The following CCDC192 variants were observed in gnomAD, a reference collection of about 807,000 sequenced individuals.
CCDC192 encodes coiled-coil domain containing 192.
At chr5:127,814,389 A>T (rs537395173) in intron 5 of CCDC192, among the ~76,000 whole-genome samples, 2 of 152,298 alleles carry the variant, frequency 1.3e-5, no homozygotes, top group African/African-American at 4.8e-5. Flanking sequence ...CGCATAAAAC[A>T]CACTTCCCCA....
intron 3 of CCDC192, among the ~76,000 whole-genome samples, chr5:127,794,594 C>T (rs1672162281): frequency 6.6e-6 from 1 of 152,132 alleles, no homozygotes; most frequent in Non-Finnish European, 1.5e-5. Context: ...ATCTGACTTT[C>T]TGGCTAAAGT....
At chr5:127,820,591 A>C (rs1441902910) in intron 5 of CCDC192, among the ~76,000 whole-genome samples, 1 of 152,198 alleles carries the variant, frequency 6.6e-6, no homozygotes, top group African/African-American at 2.4e-5. Flanking sequence ...CAAAAAATAT[A>C]TGTATCTAAA....
chr5:127,817,825 CA>C (rs1749094902), intron 5 of CCDC192, among the ~76,000 whole-genome samples: 1 of 152,052 alleles, frequency 6.6e-6, no homozygotes, highest in African/African-American at 2.4e-5. Context: ...AATCTAAATG[CA>C]TATCTAGGAT....
intron 3 of CCDC192, among the ~76,000 whole-genome samples, chr5:127,754,753 G>A (rs1318381466): frequency 6.6e-6 from 1 of 152,160 alleles, no homozygotes; most frequent in East Asian, 1.9e-4. Context: ...ATAAAATAAA[G>A]CCTATTGGAG....
At chr5:127,703,073 T>C (rs1437632297), upstream of CCDC192, among the ~76,000 whole-genome samples, 4 of 152,226 alleles carry the variant, frequency 2.6e-5, no homozygotes, top group Non-Finnish European at 5.9e-5. Context: ...AATGCATTTC[T>C]GGGTGTGCAC....
chr5:127,738,647 T>G (rs1753183427), intron 2 of CCDC192, among the ~76,000 whole-genome samples: 1 of 151,570 alleles, frequency 6.6e-6, no homozygotes, highest in African/African-American at 2.4e-5. Flanking sequence ...TTCTTTTTTC[T>G]CTAAACTTCC....
At chr5:127,799,862 C>T (rs1757383829) in intron 5 of CCDC192, among the ~76,000 whole-genome samples, 2 of 152,090 alleles carry the variant, frequency 1.3e-5, no homozygotes, top group South Asian at 4.1e-4. Flanking sequence ...ACAGTGTATT[C>T]ATGAAAGTTT....
At chr5:127,841,792 A>G (rs1750301965) in intron 5 of CCDC192, among the ~76,000 whole-genome samples, 1 of 151,166 alleles carries the variant, frequency 6.6e-6, no homozygotes, top group South Asian at 2.1e-4. Context: ...CCAACGAGTG[A>G]TCAGTAAGCA....
At chr5:127,804,510 C>G (rs928327740) in intron 5 of CCDC192, among the ~76,000 whole-genome samples, 3 of 152,150 alleles carry the variant, frequency 2.0e-5, no homozygotes, top group African/African-American at 7.2e-5. Flanking sequence ...GCTGCTTGAA[C>G]CAGAACTGTC....
chr5:127,733,714 G>T (rs1463646241), intron 2 of CCDC192, among the ~76,000 whole-genome samples: 1 of 151,972 alleles, frequency 6.6e-6, no homozygotes, highest in African/African-American at 2.4e-5. Context: ...CACTTTCCCT[G>T]AATCTGAGAT....
intron 5 of CCDC192, among the ~76,000 whole-genome samples, chr5:127,819,572 G>C (rs1749189963): frequency 6.6e-6 from 1 of 152,056 alleles, no homozygotes; most frequent in South Asian, 2.1e-4. Flanking sequence ...AATGAAAGAA[G>C]TTTACATCTT....
At chr5:127,799,286 A>G (rs2126973554) in intron 5 of CCDC192, among the ~76,000 whole-genome samples, 1 of 152,336 alleles carries the variant, frequency 6.6e-6, no homozygotes, top group South Asian at 2.1e-4. Context: ...GTGCTAGAGA[A>G]GAGAAAAGCT....
Position 127,754,373 on chromosome 5 carries a change from C to G in CCDC192, c.220C>G (p.Gln74Glu). 1 of 398,610 alleles carries G rather than the reference C, an allele frequency of 2.5e-6. No homozygotes were observed. Among genetic ancestry groups the G allele is most frequent in the Non-Finnish European group, 4.4e-6 (1 of 225,960 alleles). 24.7% of individuals were successfully genotyped at this position (398,610 alleles called of 1,614,324 possible). ...AGAAAAGGCTAAAGCTTTATCTGAA[C>G]AGGTAACACCTGTCATGGGAACTGG... ...AEEKAKALSE[Q>E]LSVSEGTKSK... Residue 74 changes from glutamine (Q) to glutamate (E), a missense_variant and splice_region_variant, in exon 3 of 7, where the codon CAG (glutamine) becomes GAG (glutamate). Physicochemically the swap from Gln to Glu is conservative, Grantham distance 29 (BLOSUM62 2). Transcript: ENST00000514853.
intron 3 of CCDC192, among the ~76,000 whole-genome samples, chr5:127,784,076 A>T (rs1229648999): frequency 4.6e-5 from 7 of 152,186 alleles, no homozygotes; most frequent in Admixed American, 3.9e-4. Context: ...GTGAATACTT[A>T]TCCATTCTGT....
At chr5:127,751,245 G>A (rs1470984564) in intron 2 of CCDC192, among the ~76,000 whole-genome samples, 1 of 152,096 alleles carries the variant, frequency 6.6e-6, no homozygotes, top group African/African-American at 2.4e-5. Context: ...TTTTGCAGCA[G>A]CTGGTACCAG....
chr5:127,708,792 C>T (rs1751117232), intron 2 of CCDC192, among the ~76,000 whole-genome samples: 1 of 152,112 alleles, frequency 6.6e-6, no homozygotes, highest in Non-Finnish European at 1.5e-5. Context: ...TGATAGCATT[C>T]CAGTGGGCTT....
chr5:127,746,834 T>A (rs182684718), intron 2 of CCDC192, among the ~76,000 whole-genome samples: 1 of 152,070 alleles, frequency 6.6e-6, no homozygotes, highest in Admixed American at 6.6e-5. Context: ...CCTCCTCCCA[T>A]AGAATTCTGT....
chr5:127,747,725 A>G (rs1273043308), intron 2 of CCDC192, among the ~76,000 whole-genome samples: 4 of 151,002 alleles, frequency 2.6e-5, no homozygotes, highest in South Asian at 4.3e-4. Context: ...TCCCACCAAC[A>G]GTGTAAAAGT....
At position 127,888,508 on chromosome 5, in the gene CCDC192, A is replaced by G. The variant is rs1296269958; in HGVS notation, c.535+12847A>G. On this transcript the variant is annotated intron_variant, in intron 6 of 6. Transcript: ENST00000514853. ...CTCAAAGATATTTGAAATCAGGACC[A>G]TGCTCCTGAATACTAGATCTAGTAT... is the stretch of plus-strand genomic sequence containing the variant. Among the ~76,000 whole-genome samples, 3 of 152,264 alleles carry G rather than the reference A, an allele frequency of 2.0e-5. No individual in the cohort carries two copies. The East Asian group carries it at 5.8e-4, about 29-fold the overall frequency.
Sources: gnomAD v4.1 joint callset for allele counts (sites outside exome capture counted in the v4.1 genomes callset) on GRCh38, gnomAD v4.1.1 for gene constraint, MANE v1.5 for transcripts, NCBI Gene and HGNC (gene_info 2026-07-23, HGNC 2026-07-21) for gene names.